The following NEBL variants were observed in gnomAD, a reference collection of about 807,000 sequenced individuals.
The protein encoded by NEBL is nebulette.
NEBL carries 122 observed loss-of-function variants against 140.2 expected under a neutral mutation model. That is an observed-to-expected ratio of 0.87 (90% CI 0.75 to 1.01). NEBL has a LOEUF of 1.01. Ranked by LOEUF, NEBL falls within the 50% of genes least tolerant of loss-of-function variation. NEBL has a pLI of 0.00. For missense variants in NEBL, 1,365 were observed against 1,231.3 expected (o/e 1.11, Z -1.62); for synonymous variants, 436 against 398.9 (o/e 1.09, Z -1.11).
At chr10:20,942,188 A>C in intron 4 of NEBL, among the ~76,000 whole-genome samples, 1 of 152,226 alleles carries the variant, frequency 6.6e-6, no homozygotes, top group African/African-American at 2.4e-5. Flanking sequence ...ACTTCAAACT[A>C]TACTAAAAGG....
At chr10:20,897,963 T>C (rs1847645332), upstream of NEBL, among the ~76,000 whole-genome samples, 2 of 152,204 alleles carry the variant, frequency 1.3e-5, no homozygotes, top group South Asian at 2.1e-4. Flanking sequence ...TGTTGATACA[T>C]AATTTAACAA....
chr10:21,280,700 C>T (rs766256766), intron 1 of NEBL, among the ~76,000 whole-genome samples: 1 of 148,810 alleles, frequency 6.7e-6, no homozygotes, highest in Non-Finnish European at 1.5e-5. Flanking sequence ...CTGTAACCTC[C>T]ACCTCCCAGG....
Position 20,998,934 on chromosome 10 carries a change from G to A in NEBL, c.249+21183C>T, listed in dbSNP as rs141546991. Among the ~76,000 whole-genome samples the A allele has an allele frequency of 2.8e-4, 43 of 152,236 alleles. No homozygotes were observed. In the East Asian group the frequency reaches 7.4e-3, roughly 26 times the overall value. Reference sequence around the variant, plus strand: ...CACACCGCAGCAAGTTCTGGGGGCCGCCAACAAAACAGGATCCGCCATCTG... The same window carrying A: ...CACACCGCAGCAAGTTCTGGGGGCCACCAACAAAACAGGATCCGCCATCTG... On this transcript the variant is annotated intron_variant, in intron 3 of 6. Coordinates refer to the NEBL transcript ENST00000417816.
intron 3 of NEBL, among the ~76,000 whole-genome samples, chr10:21,012,774 A>G (rs1838394400): frequency 6.6e-6 from 1 of 152,104 alleles, no homozygotes; most frequent in Admixed American, 6.6e-5. Flanking sequence ...TACTCTTAAC[A>G]AACAGCCTAG....
intron 2 of NEBL, among the ~76,000 whole-genome samples, chr10:21,162,697 C>A (rs1589299316): frequency 6.6e-6 from 1 of 152,192 alleles, no homozygotes; most frequent in Non-Finnish European, 1.5e-5. Flanking sequence ...GGAAGACAAA[C>A]ACGACCATCA....
At chr10:20,896,922 A>G in intron 2 of NEBL, 36 bp downstream of exon 2, 1 of 1,569,544 alleles carries the variant, frequency 6.4e-7, no homozygotes, top group Non-Finnish European at 8.8e-7. Context: ...CACAGGTGCA[A>G]TGCAAAATAA....
upstream of NEBL, among the ~76,000 whole-genome samples, chr10:21,175,348 T>G (rs1262808870): frequency 6.6e-6 from 1 of 152,214 alleles, no homozygotes; most frequent in Non-Finnish European, 1.5e-5. Context: ...TCAATCGGCC[T>G]GGCTCAAGGG....
At chr10:21,164,139 C>T (rs1840665351) in intron 2 of NEBL, among the ~76,000 whole-genome samples, 1 of 152,176 alleles carries the variant, frequency 6.6e-6, no homozygotes, top group Admixed American at 6.5e-5. Context: ...TTACTTAGTT[C>T]CTAAAACATT....
chr10:20,977,950 G>C (rs1180309160), intron 3 of NEBL, among the ~76,000 whole-genome samples: 3 of 152,142 alleles, frequency 2.0e-5, no homozygotes, highest in Admixed American at 1.3e-4. Flanking sequence ...AATAGGATCT[G>C]CCACGAAAAG....
chr10:20,813,969 A>T lies in NEBL; in HGVS notation c.2316T>A (p.His772Gln). ...SLILDTPAMR[H>Q]VKEAQNHISM... The stretch of plus-strand genomic sequence containing the variant: ...AAATATGATTTTGTGCTTCTTTAAC[A>T]TGTCTCATAGCAGGTGTATCTAAAA... The change falls in exon 23 of 28, where the codon CAT (histidine) becomes CAA (glutamine). Residue 772 changes from histidine to glutamine, a missense_variant. By Grantham distance (24) the His-to-Gln change is conservative. Transcript: ENST00000377122. 1 of 1,608,378 alleles carries T rather than the reference A, an allele frequency of 6.2e-7. No homozygotes were observed. The highest frequency in any genetic ancestry group is 8.5e-7 in the Non-Finnish European group (1 of 1,174,870).
At chr10:20,928,368 C>T (rs932046452) in intron 4 of NEBL, among the ~76,000 whole-genome samples, 15 of 152,132 alleles carry the variant, frequency 9.9e-5, no homozygotes, top group African/African-American at 3.4e-4. Flanking sequence ...CAGCTGAGTG[C>T]TAAGGTAAAA....
chr10:21,053,904 G>A (rs142067613), intron 2 of NEBL, among the ~76,000 whole-genome samples: 128 of 152,128 alleles, frequency 8.4e-4, no homozygotes, highest in African/African-American at 3.1e-3. Flanking sequence ...ATGGTGGTTC[G>A]CACCTGTAAT....
At chr10:20,809,669 G>A in intron 25 of NEBL, 137 bp downstream of exon 25, 2 of 691,126 alleles carry the variant, frequency 2.9e-6, no homozygotes, top group Non-Finnish European at 2.6e-6. Context: ...TTTAAAAGTA[G>A]CATAGCATTT....
At chr10:21,016,854 A>T (rs181398274) in intron 3 of NEBL, among the ~76,000 whole-genome samples, 2 of 152,332 alleles carry the variant, frequency 1.3e-5, no homozygotes, top group Admixed American at 6.5e-5. Flanking sequence ...ATAGATACCT[A>T]CCCACGTTTT....
chr10:21,001,319 G>T (rs1200606288), intron 3 of NEBL, among the ~76,000 whole-genome samples: 1 of 152,174 alleles, frequency 6.6e-6, no homozygotes, highest in Non-Finnish European at 1.5e-5. Flanking sequence ...CATTCCCTGG[G>T]ACAAGCTGGG....
intron 3 of NEBL, among the ~76,000 whole-genome samples, chr10:21,194,736 A>C (rs1841622788): frequency 6.6e-6 from 1 of 152,164 alleles, no homozygotes; most frequent in Admixed American, 6.5e-5. Context: ...TACATCAGCC[A>C]ACAAATTCCT....
intron 2 of NEBL, among the ~76,000 whole-genome samples, chr10:21,100,341 G>A (rs1794482900): frequency 1.3e-5 from 2 of 151,950 alleles, no homozygotes; most frequent in Admixed American, 6.6e-5. Context: ...ATTCCCTCTC[G>A]CCACAGTGAA....
chr10:20,897,128 G>A lies in NEBL; in HGVS notation c.78C>T (p.Asp26=), dbSNP rs1327806177. The change falls in exon 1 of 28, where the codon GAC becomes GAT. Residue 26 remains aspartate (D), a synonymous_variant. Coordinates refer to ENST00000377122, the MANE Select transcript of NEBL (RefSeq NM_006393.3). ...GAGTATGTGTTTTCTCACTCACCTG[G>A]TCTTCTTCATTTTCTTCTTCCCCTA... is the stretch of plus-strand genomic sequence containing the variant. The part of the protein sequence containing the change: ...EKIGEEENEE[D]QVFYKPVIED... The A allele has an allele frequency of 4.4e-6, 7 of 1,595,658 alleles. No individual in the cohort carries two copies. The highest frequency in any genetic ancestry group is 6.0e-6 in the Non-Finnish European group (7 of 1,163,380).
rs1491545758 is a variant in NEBL, at chr10:21,227,730, TTC to T, written n.348+20189_348+20190del. Reference sequence around the variant, plus strand: ...TTCTTCTTTCTTCTTCTTCTTCTTCTTCTTCTTCTTCTTCTTCTTCTTCTTCT... The same window carrying T: ...TTCTTCTTTCTTCTTCTTCTTCTTCTTTCTTCTTCTTCTTCTTCTTCTTCT... On this transcript the variant is annotated intron_variant and non_coding_transcript_variant, in intron 3 of 8. Transcript: ENST00000675702. 9.0e-4 allele frequency among the ~76,000 whole-genome samples: 114 copies of T among 126,214 alleles called. 1 individual carries two copies. The highest frequency in any genetic ancestry group is 3.5e-3 in the African/African-American group (106 of 30,140). 82.8% of individuals were successfully genotyped at this position (126,214 alleles called of 152,430 possible).
Sources: gnomAD v4.1 joint callset for allele counts (sites outside exome capture counted in the v4.1 genomes callset) on GRCh38, gnomAD v4.1.1 for gene constraint, MANE v1.5 for transcripts, NCBI Gene and HGNC (gene_info 2026-07-23, HGNC 2026-07-21) for gene names.